Variants in LPP observed in about 807,000 individuals in gnomAD.
LPP encodes the protein lipoma-preferred partner.
A neutral mutation model predicts 60.4 loss-of-function variants in LPP; 38 were observed. The ratio of observed to expected loss-of-function variants is 0.63; its 90% confidence interval spans 0.49 to 0.83. LPP has a LOEUF of 0.83. LPP is among the 40% of genes least tolerant of loss of function. The probability of loss-of-function intolerance (pLI) is 0.00; values close to 1 mark genes in which losing one functional copy is unlikely to be tolerated. For synonymous variants in LPP, 328 were observed against 290.8 expected, an observed-to-expected ratio of 1.13 and a Z score of -1.30; for missense variants, 902 against 783.6, an observed-to-expected ratio of 1.15 and a Z score of -1.80.
chr3:188,314,133 A>G (rs1754352122), intron 2 of LPP, among the ~76,000 whole-genome samples: 1 of 152,168 alleles, frequency 6.6e-6, no homozygotes. Context: ...ATACCTCTAG[A>G]ATAGTAAATA....
At chr3:188,347,389 AATCATATGAAAC>A (rs1764683174) in intron 3 of LPP, among the ~76,000 whole-genome samples, 1 of 152,190 alleles carries the variant, frequency 6.6e-6, no homozygotes, top group Non-Finnish European at 1.5e-5. Flanking sequence ...AAAGCTAGAT[AATCATATGAAAC>A]ACATTATGCA....
chr3:188,294,842 C>T (rs1747300839), intron 2 of LPP, among the ~76,000 whole-genome samples: 1 of 152,132 alleles, frequency 6.6e-6, no homozygotes, highest in Admixed American at 6.5e-5. Flanking sequence ...ATAATGAGCC[C>T]CAGAAAGAAA....
chr3:188,314,025 T>C (rs9818529), intron 2 of LPP, among the ~76,000 whole-genome samples: 21,196 of 152,140 alleles, frequency 0.14, 1,759 homozygotes, highest in East Asian at 0.34. Context: ...TAGATAAATT[T>C]TTTTTGAGTT....
chr3:188,592,671 A>G (rs1396256071), intron 6 of LPP, among the ~76,000 whole-genome samples: 1 of 151,420 alleles, frequency 6.6e-6, no homozygotes, highest in African/African-American at 2.4e-5. Context: ...CCTCCTGAGT[A>G]GCTGGGATGA....
chr3:188,661,664 A>G (rs140221664), intron 7 of LPP, among the ~76,000 whole-genome samples: 1 of 152,276 alleles, frequency 6.6e-6, no homozygotes, highest in African/African-American at 2.4e-5. Flanking sequence ...AGTTCTTTGG[A>G]TATTTTCAAT....
intron 2 of LPP, among the ~76,000 whole-genome samples, chr3:188,274,785 G>C (rs185745678): frequency 3.9e-5 from 6 of 152,340 alleles, no homozygotes; most frequent in Admixed American, 2.0e-4. Context: ...ATTCCTGATA[G>C]ACCTTATGGT....
chr3:188,435,911 A>G (rs1227039859), intron 4 of LPP, among the ~76,000 whole-genome samples: 1 of 152,184 alleles, frequency 6.6e-6, no homozygotes, highest in East Asian at 1.9e-4. Flanking sequence ...CAAAAGGCAT[A>G]TGGCTTTCTC....
At position 188,609,692 on chromosome 3, in the gene LPP, G is replaced by C; in HGVS notation, c.961G>C (p.Gly321Arg). 6.2e-7 allele frequency: 1 copy of C among 1,614,064 alleles called. No individual in the cohort carries two copies. Among genetic ancestry groups the C allele is most frequent in the Non-Finnish European group, 8.5e-7 (1 of 1,180,002 alleles). ...CTCTGACCCTACCTATGGTCAACAAGGTCACCCAAATACCTGGAAACGGGA... is the reference window on the plus strand; with the variant it reads ...CTCTGACCCTACCTATGGTCAACAACGTCACCCAAATACCTGGAAACGGGA... ...NDSDPTYGQQ[G>R]HPNTWKREPG... The change falls in exon 7 of 12, where the codon GGT becomes CGT. Residue 321 changes from glycine to arginine, a missense_variant. Transcript: ENST00000617246. The surrounding 1 kb of genome is among the most constrained non-coding windows in gnomAD (Gnocchi z 6.9).
At position 188,529,476 on chromosome 3, in the gene LPP, A is replaced by G. The variant is rs143840929; in HGVS notation, c.429+4689A>G. ...GGAAGGCTGCTTTGACTCATGGTCT[A>G]GGAAAAATGATATATATGTGGAATG... On this transcript the variant is annotated intron_variant, in intron 6 of 11. Transcript: ENST00000617246. Among the ~76,000 whole-genome samples, 194 of 152,328 alleles carry G rather than the reference A, an allele frequency of 1.3e-3. 1 individual carries two copies. Among genetic ancestry groups the G allele is most frequent in the Admixed American group, 6.5e-4 (10 of 15,300 alleles).
chr3:188,614,531 T>C (rs564270854), intron 7 of LPP, among the ~76,000 whole-genome samples: 4 of 152,280 alleles, frequency 2.6e-5, no homozygotes, highest in African/African-American at 9.6e-5. Context: ...CCAAAGCACT[T>C]TGTGGAGCTC....
chr3:188,610,151 T>G lies in LPP; in HGVS notation c.1113+307T>G, dbSNP rs1318861989. Among the ~76,000 whole-genome samples, 1 of 152,210 alleles carries G rather than the reference T, an allele frequency of 6.6e-6. No individual in the cohort carries two copies. The highest frequency in any genetic ancestry group is 2.4e-5 in the African/African-American group (1 of 41,454). On this transcript the variant is annotated intron_variant, in intron 7 of 11. Coordinates refer to ENST00000617246, the MANE Select transcript of LPP (RefSeq NM_001375462.1). The surrounding 1 kb of genome is among the most constrained non-coding windows in gnomAD (Gnocchi z 4.4). Reference sequence around the variant, plus strand: ...ATGGAGAAAGAGAAAATAATTTATTTTTCACATCCTTCCCTATATTGGTTA... The same window carrying G: ...ATGGAGAAAGAGAAAATAATTTATTGTTCACATCCTTCCCTATATTGGTTA...
chr3:188,365,649 A>G (rs2150996358), intron 3 of LPP, among the ~76,000 whole-genome samples: 1 of 150,846 alleles, frequency 6.6e-6, no homozygotes, highest in South Asian at 2.1e-4. Context: ...GTTGCTCAAA[A>G]CATCTTGGTA....
chr3:188,516,814 C>T (rs1378398108), intron 5 of LPP, among the ~76,000 whole-genome samples: 2 of 151,886 alleles, frequency 1.3e-5, no homozygotes, highest in Admixed American at 1.3e-4. Context: ...GAAACTGTGG[C>T]AGGTACAGCC....
chr3:188,536,622 T>C (rs1823710633), intron 6 of LPP, among the ~76,000 whole-genome samples: 1 of 152,212 alleles, frequency 6.6e-6, no homozygotes, highest in Non-Finnish European at 1.5e-5. Flanking sequence ...ATGGATTCTT[T>C]GCTTATATTG....
rs1136644 is a variant in LPP at position 188,872,658 on chromosome 3, A to G, written c.1605A>G (p.Arg535=). The G allele has an allele frequency of 0.49, 795,903 of 1,613,368 alleles. 199,667 individuals carry two copies. Among genetic ancestry groups the G allele is most frequent in the Non-Finnish European group, 0.51 (606,549 of 1,179,612 alleles). ...TCACTTTCAGGAAATTTGCCCCGCG[A>G]TGTTCTGTGTGCAAGGAGCCTATTA... ...IEDFHKKFAP[R]CSVCKEPIMP... The change falls in exon 11 of 12, where the codon CGA becomes CGG. Residue 535 remains arginine, a synonymous_variant. Transcript: ENST00000617246.
chr3:188,351,395 T>C (rs538195916), intron 3 of LPP, among the ~76,000 whole-genome samples: 1 of 152,152 alleles, frequency 6.6e-6, no homozygotes, highest in Non-Finnish European at 1.5e-5. Flanking sequence ...CGTGCCCACA[T>C]CTCACCAAGC....
At position 188,641,792 on chromosome 3, in the gene LPP, A is replaced by C. The variant is rs111677966; in HGVS notation, c.1113+31948A>C. On this transcript the variant is annotated intron_variant, in intron 7 of 11. Transcript: ENST00000617246. ...TTTCGGATGGACCAAGTATAGACAC[A>C]ACACTTCTGTTAATTCACATGGGGA... 5.0e-3 allele frequency among the ~76,000 whole-genome samples: 766 copies of C among 152,254 alleles called. 11 individuals carry two copies. The highest frequency in any genetic ancestry group is 0.017 in the African/African-American group (712 of 41,550).
intron 2 of LPP, among the ~76,000 whole-genome samples, chr3:188,268,950 A>G (rs1736633509): frequency 6.6e-6 from 1 of 152,228 alleles, no homozygotes; most frequent in African/African-American, 2.4e-5. Context: ...CTAGAAATAT[A>G]GAGAAGATAA....
At chr3:188,656,492 A>C (rs956390481) in intron 7 of LPP, among the ~76,000 whole-genome samples, 11 of 152,254 alleles carry the variant, frequency 7.2e-5, no homozygotes, top group African/African-American at 2.4e-4. Context: ...TTACATTTAA[A>C]AACAAAGTGT....
Sources: gnomAD v4.1 joint callset for allele counts (sites outside exome capture counted in the v4.1 genomes callset) on GRCh38, gnomAD v4.1.1 for gene constraint, Gnocchi (gnomAD v3.1) non-coding constraint, MANE v1.5 for transcripts, NCBI Gene and HGNC (gene_info 2026-07-23, HGNC 2026-07-21) for gene names.